Variants in ESR1 observed in about 807,000 individuals in gnomAD.
ESR1 encodes the protein estrogen receptor 1, also known as estrogen receptor.
ESR1 carries 12 observed loss-of-function variants against 52.7 expected under a neutral mutation model. That is an observed-to-expected ratio of 0.23 (90% confidence interval 0.15 to 0.37). The LOEUF is 0.37. Among genes scored for constraint, ESR1 ranks in the 10% least tolerant of loss-of-function variants. The pLI is 1.00. For synonymous variants in ESR1, 305 were observed against 316.8 expected, an observed-to-expected ratio of 0.96 and a Z score of 0.39; for missense variants, 584 against 779.7, an observed-to-expected ratio of 0.75 and a Z score of 2.99.
intron 6 of ESR1, among the ~76,000 whole-genome samples, chr6:152,110,936 C>T (rs2051125112): frequency 6.6e-6 from 1 of 152,106 alleles, no homozygotes; most frequent in Admixed American, 6.5e-5. Context: ...TGCCAGTGCT[C>T]TTGGTTTCTG....
chr6:151,938,354 G>T (rs868866225), intron 3 of ESR1, among the ~76,000 whole-genome samples: 1 of 152,030 alleles, frequency 6.6e-6, no homozygotes, highest in African/African-American at 2.4e-5. Context: ...AGATACAATA[G>T]CCAAGCCAAA....
chr6:151,864,719 A>T (rs1163744492), intron 2 of ESR1, among the ~76,000 whole-genome samples: 1 of 152,202 alleles, frequency 6.6e-6, no homozygotes. Flanking sequence ...CTAGATTAAG[A>T]AAATGTGGCA....
At chr6:152,062,035 C>T (rs3798565) in intron 6 of ESR1, among the ~76,000 whole-genome samples, 33,299 of 152,014 alleles carry the variant, frequency 0.22, 5,299 homozygotes, top group African/African-American at 0.44. Context: ...ATAGCTATTT[C>T]GAATCTCTGG....
intron 4 of ESR1, among the ~76,000 whole-genome samples, chr6:152,003,708 G>C (rs1274740159): frequency 6.6e-6 from 1 of 151,636 alleles, no homozygotes; most frequent in Non-Finnish European, 1.5e-5. Context: ...CTTACAGGAG[G>C]GATACAGCTT....
At chr6:152,037,431 G>T (rs535118778) in intron 5 of ESR1, among the ~76,000 whole-genome samples, 60 of 152,302 alleles carry the variant, frequency 3.9e-4, no homozygotes, top group African/African-American at 1.3e-3. Context: ...GAGTGGAAAG[G>T]TTCACCAGGC....
At chr6:151,696,533 G>T (rs1779363520) in intron 1 of ESR1, among the ~76,000 whole-genome samples, 1 of 151,800 alleles carries the variant, frequency 6.6e-6, no homozygotes, top group African/African-American at 2.4e-5. Context: ...TAGTGCCTCG[G>T]GTGCATAGAT....
intron 4 of ESR1, among the ~76,000 whole-genome samples, chr6:151,962,711 G>C (rs150107959): frequency 1.3e-5 from 2 of 152,278 alleles, no homozygotes; most frequent in Non-Finnish European, 2.9e-5. Context: ...GCGTAATCAT[G>C]TGCTTGCTCT....
At chr6:151,755,204 T>A (rs1784188574) in intron 2 of ESR1, among the ~76,000 whole-genome samples, 1 of 139,568 alleles carries the variant, frequency 7.2e-6, no homozygotes. Flanking sequence ...AGTGAGACCC[T>A]GCCTCAAAAA....
intron 4 of ESR1, among the ~76,000 whole-genome samples, chr6:151,964,148 A>T (rs1010496339): frequency 1.9e-4 from 29 of 152,032 alleles, no homozygotes; most frequent in Non-Finnish European, 4.0e-4. Context: ...GTTTTGGTTA[A>T]TTGGGGTCTT....
At position 151,944,282 on chromosome 6, in the gene ESR1, C is replaced by G. The variant is rs1446673857; in HGVS notation, c.870C>G (p.Asn290Lys). The change falls in exon 4 of 8, where the codon AAC (asparagine) becomes AAG (lysine). Residue 290 changes from asparagine to lysine, a missense_variant. Coordinates refer to ENST00000206249, the MANE Select transcript of ESR1 (RefSeq NM_000125.4). Reference sequence around the variant, plus strand: ...CTGCTGGAGACATGAGAGCTGCCAACCTTTGGCCAAGCCCGCTCATGATCA... The same window carrying G: ...CTGCTGGAGACATGAGAGCTGCCAAGCTTTGGCCAAGCCCGCTCATGATCA... Reference protein sequence around the residue: ...VGSAGDMRAANLWPSPLMIKR... With the variant: ...VGSAGDMRAAKLWPSPLMIKR... 6.2e-7 allele frequency: 1 copy of G among 1,614,166 alleles called. No individual in the cohort carries two copies.
At chr6:152,006,652 C>A (rs1460779377) in intron 4 of ESR1, among the ~76,000 whole-genome samples, 1 of 151,826 alleles carries the variant, frequency 6.6e-6, no homozygotes, top group Non-Finnish European at 1.5e-5. Context: ...CCATACTGTA[C>A]TCTTGCACTG....
At chr6:152,079,215 G>A (rs2048993709) in intron 6 of ESR1, among the ~76,000 whole-genome samples, 1 of 152,164 alleles carries the variant, frequency 6.6e-6, no homozygotes, top group African/African-American at 2.4e-5. Context: ...GCCTGACTGG[G>A]AGACACCTCC....
intron 5 of ESR1, among the ~76,000 whole-genome samples, chr6:152,033,741 C>A (rs958869568): frequency 1.4e-4 from 21 of 152,178 alleles, no homozygotes; most frequent in African/African-American, 5.1e-4. Context: ...TGTGGCGATT[C>A]CTCAGGGATC....
intron 1 of ESR1, among the ~76,000 whole-genome samples, chr6:151,663,373 G>A (rs1288063233): frequency 6.6e-6 from 1 of 152,184 alleles, no homozygotes; most frequent in Non-Finnish European, 1.5e-5. Context: ...GAGATCAACT[G>A]AGATTTCTAG....
intron 2 of ESR1, among the ~76,000 whole-genome samples, chr6:151,769,062 A>C (rs772985351): frequency 6.6e-6 from 1 of 152,194 alleles, no homozygotes; most frequent in Non-Finnish European, 1.5e-5. Flanking sequence ...TAATGTGCAC[A>C]CCAGTCCTGC....
intron 2 of ESR1, among the ~76,000 whole-genome samples, chr6:151,746,955 G>A (rs554301082): frequency 6.6e-6 from 1 of 152,334 alleles, no homozygotes; most frequent in Non-Finnish European, 1.5e-5. Context: ...ATGCCGGAAT[G>A]ACATCTGGCA....
chr6:152,116,288 T>C (rs945909605), intron 6 of ESR1, among the ~76,000 whole-genome samples: 21 of 151,918 alleles, frequency 1.4e-4, no homozygotes, highest in Non-Finnish European at 1.5e-5. Context: ...CACGCAAGAG[T>C]GTCTACTGCA....
intron 3 of ESR1, among the ~76,000 whole-genome samples, chr6:151,928,963 T>C (rs569014021): frequency 1.8e-4 from 28 of 152,324 alleles, no homozygotes; most frequent in African/African-American, 5.5e-4. Context: ...TAAGGGTGTT[T>C]TGTGACCCAG....
intron 5 of ESR1, among the ~76,000 whole-genome samples, chr6:152,031,353 G>A (rs1337598504): frequency 1.3e-5 from 2 of 152,046 alleles, no homozygotes; most frequent in African/African-American, 4.8e-5. Context: ...TCTAGGAGCT[G>A]GTTTTTTGAA....
Sources: allele counts gnomAD v4.1 joint callset (sites outside exome capture counted in the v4.1 genomes callset), GRCh38; gene constraint gnomAD v4.1.1; transcripts MANE v1.5; gene names NCBI Gene and HGNC (gene_info 2026-07-23, HGNC 2026-07-21).